NCKAP5: variants seen among roughly 807,000 people sequenced by gnomAD.
NCKAP5 encodes nck-associated protein 5.
A neutral mutation model predicts 167.0 loss-of-function variants in NCKAP5; 92 were observed. The ratio of observed to expected loss-of-function variants is 0.55; its 90% CI spans 0.47 to 0.66. The LOEUF is 0.66. Among genes scored for constraint, NCKAP5 ranks in the 30% least tolerant of loss-of-function variants. NCKAP5 has a pLI of 0.00. For synonymous variants in NCKAP5, 891 were observed against 877.4 expected, an observed-to-expected ratio of 1.02 and a Z score of -0.27; for missense variants, 2,378 against 2,315.0, an observed-to-expected ratio of 1.03 and a Z score of -0.56.
chr2:133,210,418 TTTC>T (rs2086161381), intron 5 of NCKAP5, among the ~76,000 whole-genome samples: 2 of 152,068 alleles, frequency 1.3e-5, no homozygotes, highest in African/African-American at 4.8e-5. Context: ...GCTTACATAA[TTTC>T]TTCTATACCA....
intron 9 of NCKAP5, among the ~76,000 whole-genome samples, chr2:132,875,497 G>T (rs1186957290): frequency 1.3e-5 from 2 of 152,172 alleles, no homozygotes; most frequent in Admixed American, 6.5e-5. Flanking sequence ...CTCCTGCCAG[G>T]CTGGGAGTGC....
Position 133,039,830 on chromosome 2 carries a change from A to G in NCKAP5, c.342-45591T>C, listed in dbSNP as rs779706722. Among the ~76,000 whole-genome samples, 48 of 152,232 alleles carry G rather than the reference A, an allele frequency of 3.2e-4. 1 individual carries two copies. Among genetic ancestry groups the G allele is most frequent in the Admixed American group, 2.0e-3 (30 of 15,284 alleles). The stretch of plus-strand genomic sequence containing the variant: ...ACCACACTCCGGAAAACACTACCCT[A>G]AGAGAGATGGGCATTAGAAAATTAA... On this transcript the variant is annotated intron_variant, in intron 6 of 19. Coordinates refer to ENST00000409261, the MANE Select transcript of NCKAP5 (RefSeq NM_207363.3).
intron 12 of NCKAP5, among the ~76,000 whole-genome samples, chr2:132,792,850 G>A (rs1684180169): frequency 6.6e-6 from 1 of 152,106 alleles, no homozygotes; most frequent in African/African-American, 2.4e-5. Context: ...CTCTTTTAAT[G>A]AATAAGCAGC....
intron 11 of NCKAP5, among the ~76,000 whole-genome samples, chr2:132,810,010 C>G (rs529748523): frequency 6.6e-6 from 1 of 152,238 alleles, no homozygotes; most frequent in East Asian, 1.9e-4. Context: ...ATTTGTTTGT[C>G]TGAAAAAGAC....
chr2:132,847,976 C>G (rs1452721755), intron 11 of NCKAP5, among the ~76,000 whole-genome samples: 1 of 152,168 alleles, frequency 6.6e-6, no homozygotes, highest in Non-Finnish European at 1.5e-5. Context: ...CAGGTCACAA[C>G]TATATGTAGA....
chr2:132,898,126 A>G (rs1421878033), intron 8 of NCKAP5, among the ~76,000 whole-genome samples: 5 of 152,216 alleles, frequency 3.3e-5, no homozygotes, highest in African/African-American at 1.2e-4. Flanking sequence ...TTATCAACTA[A>G]GTTTATGTAA....
intron 4 of NCKAP5, among the ~76,000 whole-genome samples, chr2:133,230,668 C>G (rs1028062598): frequency 5.9e-5 from 9 of 152,152 alleles, no homozygotes; most frequent in African/African-American, 1.9e-4. Context: ...AGGCTCCAGA[C>G]AGCTTTCCTT....
chr2:133,494,603 T>C (rs959150831), intron 3 of NCKAP5, among the ~76,000 whole-genome samples: 15 of 152,106 alleles, frequency 9.9e-5, no homozygotes, highest in African/African-American at 3.4e-4. Context: ...CAGGCCATGA[T>C]GAGAAGGTGC....
intron 3 of NCKAP5, among the ~76,000 whole-genome samples, chr2:133,370,951 T>C (rs958856294): frequency 6.6e-6 from 1 of 152,128 alleles, no homozygotes; most frequent in Non-Finnish European, 1.5e-5. Context: ...TGAGATTCAT[T>C]CAAGCAAATT....
At chr2:133,627,122 C>G in the NCKAP5 span, among the ~76,000 whole-genome samples, 1 of 151,732 alleles carries the variant, frequency 6.6e-6, no homozygotes, top group Admixed American at 6.6e-5. Context: ...ATACATGTAT[C>G]TTTAAAAACA....
chr2:133,058,792 T>C (rs1177929846), intron 6 of NCKAP5, among the ~76,000 whole-genome samples: 2 of 152,158 alleles, frequency 1.3e-5, no homozygotes, highest in African/African-American at 2.4e-5. Flanking sequence ...TTTTGAAAAA[T>C]GTTCTATTGT....
rs113035398 is a variant in NCKAP5, at chr2:133,287,897, C to A, written c.143+15140G>T. On this transcript the variant is annotated intron_variant, in intron 4 of 19. Coordinates refer to ENST00000409261, the MANE Select transcript of NCKAP5 (RefSeq NM_207363.3). ...TAAAGGAGGTCAAGGTTAGTAGGGACGTGTGTGGTTACAAATAGAAATATT... is the reference window on the plus strand; with the variant it reads ...TAAAGGAGGTCAAGGTTAGTAGGGAAGTGTGTGGTTACAAATAGAAATATT... 6.6e-5 allele frequency among the ~76,000 whole-genome samples: 10 copies of A among 152,028 alleles called. 3 individuals are homozygous for A. Among genetic ancestry groups the A allele is most frequent in the Admixed American group, 6.6e-4 (10 of 15,256 alleles).
intron 5 of NCKAP5, among the ~76,000 whole-genome samples, chr2:133,174,718 C>T (rs866779224): frequency 0.013 from 1,342 of 99,944 alleles, 6 homozygotes; most frequent in Non-Finnish European, 0.017. Context: ...TTTTTTTTCT[C>T]CCCCCTGCTC....
chr2:133,639,148 A>G, the NCKAP5 span, among the ~76,000 whole-genome samples: 1 of 152,190 alleles, frequency 6.6e-6, no homozygotes, highest in African/African-American at 2.4e-5. Flanking sequence ...GTTGGCAAAA[A>G]TTAATAAATT....
chr2:133,377,408 G>T (rs1286142685), intron 3 of NCKAP5, among the ~76,000 whole-genome samples: 1 of 152,156 alleles, frequency 6.6e-6, no homozygotes, highest in Non-Finnish European at 1.5e-5. Flanking sequence ...TGAATTCTTG[G>T]TGAATGCTGC....
chr2:133,274,550 C>T (rs1574571422), intron 4 of NCKAP5, among the ~76,000 whole-genome samples: 1 of 151,924 alleles, frequency 6.6e-6, no homozygotes, highest in East Asian at 1.9e-4. Flanking sequence ...CCAAATTAGC[C>T]AAATATATTT....
chr2:132,730,424 A>C (rs574679091), intron 17 of NCKAP5, among the ~76,000 whole-genome samples: 1 of 152,294 alleles, frequency 6.6e-6, no homozygotes, highest in Non-Finnish European at 1.5e-5. Context: ...GAATCCAGGA[A>C]GTGGAGGTTG....
chr2:133,622,232 G>A, the NCKAP5 span, among the ~76,000 whole-genome samples: 4 of 152,074 alleles, frequency 2.6e-5, no homozygotes, highest in African/African-American at 4.8e-5. Context: ...ACCAAGACAA[G>A]GATGCCCACT....
rs184976118 is a variant in NCKAP5 at position 133,157,151 on chromosome 2, T to A, written c.208-27040A>T. Among the ~76,000 whole-genome samples the A allele has an allele frequency of 3.3e-5, 5 of 152,336 alleles. No individual in the cohort carries two copies. In the East Asian group the frequency reaches 9.6e-4, roughly 29 times the overall value. ...CAATAGCTATTTTCTATATCTCACA[T>A]CTGGAATCTACCAATTTTATTGCTT... is the stretch of plus-strand genomic sequence containing the variant. On this transcript the variant is annotated intron_variant, in intron 5 of 19. Coordinates refer to ENST00000409261, the MANE Select transcript of NCKAP5 (RefSeq NM_207363.3).
Sources: gnomAD v4.1 joint callset for allele counts (sites outside exome capture counted in the v4.1 genomes callset) on GRCh38, gnomAD v4.1.1 for gene constraint, MANE v1.5 for transcripts, NCBI Gene and HGNC (gene_info 2026-07-23, HGNC 2026-07-21) for gene names.